TAOK1: variants seen among roughly 807,000 people sequenced by gnomAD.
TAOK1 encodes the protein serine/threonine-protein kinase TAO1.
Under a neutral mutation model 138.3 loss-of-function variants are expected in TAOK1, and 21 were observed. That is an observed-to-expected ratio of 0.15 (90% CI 0.11 to 0.22). The LOEUF (loss-of-function observed/expected upper bound fraction) is 0.22. Ranked by LOEUF, TAOK1 falls within the 10% of genes least tolerant of loss-of-function variation. The pLI is 1.00. For missense variants in TAOK1, 651 were observed against 1,227.7 expected (o/e 0.53, Z 7.02); for synonymous variants, 361 against 398.4 (o/e 0.91, Z 1.12).
At chr17:29,537,562 G>T (rs1456312387) in intron 19 of TAOK1, among the ~76,000 whole-genome samples, 1 of 139,308 alleles carries the variant, frequency 7.2e-6, no homozygotes. Context: ...TCTCCATGTT[G>T]CCCAGGCTGG....
In TAOK1 at chr17:29,467,197, G is replaced by C. The variant is rs1198594181; in HGVS notation, c.185G>C (p.Ser62Thr). Residue 62 changes from serine (S) to threonine (T), a missense_variant, in exon 3 of 20, where the codon AGT becomes ACT. Around this residue, in one of 8 missense-constraint regions of TAOK1, gnomAD observed 116 missense variants for 213.9 expected, o/e 0.54. Coordinates refer to ENST00000261716, the MANE Select transcript of TAOK1 (RefSeq NM_020791.4). Reference sequence around the variant, plus strand: ...GTGGCCATCAAGAAAATGTCTTATAGTGGAAAGCAGTCTACTGAGGTAGGT... The same window carrying C: ...GTGGCCATCAAGAAAATGTCTTATACTGGAAAGCAGTCTACTGAGGTAGGT... ...EVVAIKKMSY[S>T]GKQSTEKWQD... 1.2e-6 allele frequency: 2 copies of C among 1,603,768 alleles called. No homozygotes were observed. The highest frequency in any genetic ancestry group is 1.7e-6 in the Non-Finnish European group (2 of 1,173,554).
intron 1 of TAOK1, among the ~76,000 whole-genome samples, chr17:29,409,483 C>T (rs986474665): frequency 2.0e-5 from 3 of 151,240 alleles, no homozygotes; most frequent in Non-Finnish European, 3.0e-5. Flanking sequence ...TACAGGCGTC[C>T]GCACCATATC....
chr17:29,471,306 A>C (rs1399243365), intron 3 of TAOK1, among the ~76,000 whole-genome samples: 4 of 108,718 alleles, frequency 3.7e-5, no homozygotes, highest in Non-Finnish European at 6.9e-5. Context: ...TTTGAGATGA[A>C]GTCTCACTCT....
chr17:29,454,980 G>A (rs1309850262), intron 2 of TAOK1, among the ~76,000 whole-genome samples: 5 of 152,196 alleles, frequency 3.3e-5, no homozygotes, highest in East Asian at 1.9e-4. Flanking sequence ...ACAGTGGCAC[G>A]ATCTTTGCTC....
chr17:29,413,331 T>C (rs1905189249), intron 1 of TAOK1, among the ~76,000 whole-genome samples: 1 of 152,312 alleles, frequency 6.6e-6, no homozygotes, highest in East Asian at 1.9e-4. Context: ...GTATGGTGGC[T>C]CATGCCTGTA....
At chr17:29,468,149 TTTTA>T (rs891505994) in intron 3 of TAOK1, among the ~76,000 whole-genome samples, 1 of 141,360 alleles carries the variant, frequency 7.1e-6, no homozygotes, top group Non-Finnish European at 1.5e-5. Context: ...TTTTTTTTTT[TTTTA>T]GGAGCTGGAG....
rs371058248 is a variant in TAOK1 at position 29,542,854 on chromosome 17, C to T, written c.2838C>T (p.His946=). 5.6e-6 allele frequency: 9 copies of T among 1,613,986 alleles called. No homozygotes were observed. Among genetic ancestry groups the T allele is most frequent in the Non-Finnish European group, 7.6e-6 (9 of 1,180,004 alleles). The change falls in exon 20 of 20, where the codon CAC becomes CAT. Residue 946 remains histidine, a synonymous_variant. Transcript: ENST00000261716. ...PMQGGPQPWG[H]PSGPMQGVPR... is the part of the protein sequence containing the mutation. Reference sequence around the variant, plus strand: ...AAGGTGGACCCCAGCCATGGGGTCACCCTTCAGGGCCAATGCAAGGGGTAC... The same window carrying T: ...AAGGTGGACCCCAGCCATGGGGTCATCCTTCAGGGCCAATGCAAGGGGTAC...
chr17:29,393,754 C>T (rs566571445), intron 1 of TAOK1, among the ~76,000 whole-genome samples: 1 of 152,234 alleles, frequency 6.6e-6, no homozygotes, highest in Admixed American at 6.5e-5. Context: ...TTCTGAGAAT[C>T]AGCTGGATTT....
At chr17:29,413,483 C>T (rs1454935244) in intron 1 of TAOK1, among the ~76,000 whole-genome samples, 1 of 152,086 alleles carries the variant, frequency 6.6e-6, no homozygotes, top group Non-Finnish European at 1.5e-5. Context: ...GTAGTCCCAG[C>T]TGCTTGGGAA....
intron 1 of TAOK1, among the ~76,000 whole-genome samples, chr17:29,394,887 G>C (rs1347031331): frequency 6.7e-6 from 1 of 149,298 alleles, no homozygotes; most frequent in African/African-American, 2.5e-5. Flanking sequence ...TTGAGGCCAG[G>C]AGTTCAAGAG....
At chr17:29,395,019 A>G (rs1453132109) in intron 1 of TAOK1, among the ~76,000 whole-genome samples, 1 of 151,990 alleles carries the variant, frequency 6.6e-6, no homozygotes, top group East Asian at 1.9e-4. Flanking sequence ...AGGCTGGAGG[A>G]TCACTTGAGC....
chr17:29,457,089 CTTTTTTTTTT>C (rs548221652), intron 2 of TAOK1, among the ~76,000 whole-genome samples: 3 of 107,408 alleles, frequency 2.8e-5, no homozygotes, highest in African/African-American at 3.8e-5. Flanking sequence ...TTTTCTTTTT[CTTTTTTTTTT>C]TTTTTTTTTT....
intron 1 of TAOK1, among the ~76,000 whole-genome samples, chr17:29,417,543 A>G (rs1357078171): frequency 6.6e-6 from 1 of 152,180 alleles, no homozygotes; most frequent in Non-Finnish European, 1.5e-5. Flanking sequence ...AGGGAATGAA[A>G]TCAAGGGTCA....
intron 11 of TAOK1, among the ~76,000 whole-genome samples, chr17:29,496,110 T>A (rs1449216247): frequency 6.6e-6 from 1 of 151,986 alleles, no homozygotes; most frequent in Non-Finnish European, 1.5e-5. Context: ...AATTTTTTTG[T>A]TTATTTTGAG....
At chr17:29,423,233 T>TC (rs1468694336) in intron 1 of TAOK1, among the ~76,000 whole-genome samples, 1 of 150,254 alleles carries the variant, frequency 6.7e-6, no homozygotes, top group East Asian at 1.9e-4. Context: ...TCTTTTTTTT[T>TC]TTTTGAGACA....
rs1013020923 is a variant in TAOK1 at position 29,547,180 on chromosome 17, T to C, written c.*4158T>C. The C allele has an allele frequency of 6.6e-6, 1 of 152,142 alleles. No individual in the cohort carries two copies. Among genetic ancestry groups the C allele is most frequent in the Non-Finnish European group, 1.5e-5 (1 of 67,982 alleles). The allele number at this position is 152,142 out of a possible 1,614,324, so 9.4% of individuals were successfully genotyped here. ...TCTTTATGTGCTTTCTATATGTATT[T>C]CTTAGTAGTGATACCATTGATCCTC... On this transcript the variant is annotated 3_prime_UTR_variant, in exon 20 of 20. Transcript: ENST00000261716.
chr17:29,496,225 C>T (rs867407115), intron 11 of TAOK1, among the ~76,000 whole-genome samples: 24 of 152,098 alleles, frequency 1.6e-4, no homozygotes, highest in African/African-American at 2.4e-4. Flanking sequence ...CTCAGCCTCC[C>T]GAGTAGCTGG....
At chr17:29,421,967 G>A (rs971462657) in intron 1 of TAOK1, among the ~76,000 whole-genome samples, 43 of 151,782 alleles carry the variant, frequency 2.8e-4, no homozygotes, top group African/African-American at 9.4e-4. Context: ...GCACGATCTC[G>A]GCTCACTGCA....
chr17:29,520,183 G>GA (rs535870675), intron 16 of TAOK1, among the ~76,000 whole-genome samples: 1,565 of 70,098 alleles, frequency 0.022, 26 homozygotes, highest in African/African-American at 0.048. Context: ...TCTGTCTGAA[G>GA]AAAAAAAAAA....
Sources: gnomAD v4.1 joint callset for allele counts (sites outside exome capture counted in the v4.1 genomes callset) on GRCh38, gnomAD v4.1.1 for gene constraint, gnomAD v4.1.1 regional missense constraint, MANE v1.5 for transcripts, NCBI Gene and HGNC (gene_info 2026-07-23, HGNC 2026-07-21) for gene names.